PCDHGA1: variants seen among roughly 807,000 people sequenced by gnomAD.
PCDHGA1 encodes the protein protocadherin gamma subfamily A, 1, also known as protocadherin gamma-A1.
In PCDHGA1, 32 loss-of-function variants were observed where a neutral mutation model predicts 58.0. The ratio of observed to expected loss-of-function variants is 0.55; its 90% confidence interval spans 0.42 to 0.74. PCDHGA1 has a LOEUF of 0.74. PCDHGA1 is among the 30% of genes least tolerant of loss of function. The pLI is 0.00. For missense variants in PCDHGA1, 1,205 were observed against 1,182.3 expected (o/e 1.02, Z -0.28); for synonymous variants, 498 against 501.1 (o/e 0.99, Z 0.08).
Position 141,379,889 on chromosome 5 carries a change from C to CTTTTTTTTTTTTTTTTTTTTTTTTTTT in PCDHGA1, c.2421+46788_2421+46814dup, listed in dbSNP as rs70988800. Among the ~76,000 whole-genome samples the CTTTTTTTTTTTTTTTTTTTTTTTTTTT allele has an allele frequency of 2.4e-4, 12 of 50,832 alleles. 1 individual carries two copies. The highest frequency in any genetic ancestry group is 4.0e-4 in the African/African-American group (6 of 15,086). 33.3% of individuals were successfully genotyped at this position (50,832 alleles called of 152,430 possible). A position where few individuals can be genotyped will look rare whatever the true frequency, so the allele number is the denominator to read the frequency against. On this transcript the variant is annotated intron_variant, in intron 1 of 3. Coordinates refer to ENST00000517417, the MANE Select transcript of PCDHGA1 (RefSeq NM_018912.3). ...CTTATTTTATGGTCTGTGAAAGCCT[C>CTTTTTTTTTTTTTTTTTTTTTTTTTTT]TTTTTTTTTTTTTTTTTTTTTTTTT...
chr5:141,356,134 T>C (rs767798294), intron 1 of PCDHGA1: 9 of 1,613,788 alleles, frequency 5.6e-6, no homozygotes, highest in Non-Finnish European at 7.6e-6. Context: ...TTATGAGGAC[T>C]CTGGATTCTA....
At chr5:141,481,762 GC>G (rs1307001837) in intron 1 of PCDHGA1, among the ~76,000 whole-genome samples, 1 of 152,126 alleles carries the variant, frequency 6.6e-6, no homozygotes, top group Admixed American at 6.5e-5. Context: ...GACCAGCCTG[GC>G]CAACATGGTG....
chr5:141,395,538 TTGTTTGTGTG>T, intron 1 of PCDHGA1: 1 of 225,786 alleles, frequency 4.4e-6, no homozygotes, highest in Non-Finnish European at 7.1e-6. Context: ...AATTTTGCTA[TTGTTTGTGTG>T]TGTGTGTGTG....
chr5:141,410,544 G>T, intron 1 of PCDHGA1: 1 of 1,613,640 alleles, frequency 6.2e-7, no homozygotes, highest in Non-Finnish European at 8.5e-7. Flanking sequence ...GACATGGTTT[G>T]CAGTGTTTCT....
chr5:141,370,453 T>A lies in PCDHGA1; in HGVS notation c.2421+37348T>A, dbSNP rs6860590. ...GGGCAGAGGCGAATGCTATTTCTCT[T>A]CCTGCTCTCTTTGTTAGACCAGGCT... On this transcript the variant is annotated intron_variant, in intron 1 of 3. Transcript: ENST00000517417. 2,396 of 1,611,648 alleles carry A rather than the reference T, an allele frequency of 1.5e-3. 32 individuals are homozygous for A. In the African/African-American group the frequency reaches 0.028, roughly 19 times the overall value.
intron 1 of PCDHGA1, among the ~76,000 whole-genome samples, chr5:141,348,139 A>G (rs1262874286): frequency 6.6e-6 from 1 of 152,262 alleles, no homozygotes; most frequent in Non-Finnish European, 1.5e-5. Context: ...ATGAAATCAT[A>G]TGAGAGTTAT....
chr5:141,485,566 C>G lies in PCDHGA1; in HGVS notation c.2422-9241C>G, dbSNP rs768144422. On this transcript the variant is annotated intron_variant, in intron 1 of 3. Transcript: ENST00000517417. This position sits in a 1 kb window ranked among gnomAD's most constrained non-coding sequence, Gnocchi z 5.7. ...TCGTAGATGTGAATGATCACGCCCC[C>G]CGTTTTCCGCGGCAGCAGCTGGACT... 2.5e-6 allele frequency: 4 copies of G among 1,612,808 alleles called. No homozygotes were observed. Among genetic ancestry groups the G allele is most frequent in the South Asian group, 2.2e-5 (2 of 91,028 alleles).
rs866710706 is a variant in PCDHGA1, at chr5:141,485,167, G to A, written c.2422-9640G>A. On this transcript the variant is annotated intron_variant, in intron 1 of 3. Transcript: ENST00000517417. The surrounding 1 kb of genome is among the most constrained non-coding windows in gnomAD (Gnocchi z 5.7). ...AGGAGCAAGTAGAGAATTAGCGGGC[G>A]GCAGCAATGCTCCGCAAGGTGAGAA... The A allele has an allele frequency of 6.2e-7, 1 of 1,608,386 alleles. No homozygotes were observed.
At chr5:141,351,460 G>C in intron 1 of PCDHGA1, 1 of 1,613,528 alleles carries the variant, frequency 6.2e-7, no homozygotes, top group South Asian at 1.1e-5. Context: ...ATTACAAGCT[G>C]GTGATTGCTG....
chr5:141,344,229 A>T, intron 1 of PCDHGA1: 2 of 1,613,944 alleles, frequency 1.2e-6, no homozygotes, highest in East Asian at 4.5e-5. Flanking sequence ...CGGAGTCCGC[A>T]TCGTCTCCAG....
intron 1 of PCDHGA1, chr5:141,374,073 A>G (rs1201568464): frequency 2.6e-6 from 4 of 1,510,034 alleles, no homozygotes; most frequent in Non-Finnish European, 2.7e-6. Context: ...GAAGTTCCTA[A>G]TAAGCCAGTA....
At chr5:141,395,174 AAATGATT>A in intron 1 of PCDHGA1, 1 of 1,614,220 alleles carries the variant, frequency 6.2e-7, no homozygotes, top group Non-Finnish European at 8.5e-7. Flanking sequence ...GCTGTGAGAA[AAATGATT>A]CTTTGTTAAC....
chr5:141,414,620 A>G, intron 1 of PCDHGA1: 4 of 1,613,938 alleles, frequency 2.5e-6, no homozygotes, highest in Non-Finnish European at 3.4e-6. Flanking sequence ...ACAGCGCTGG[A>G]CCCGGACAGC....
intron 1 of PCDHGA1, among the ~76,000 whole-genome samples, chr5:141,429,386 T>TA (rs1561841076): frequency 9.9e-5 from 15 of 151,936 alleles, no homozygotes; most frequent in South Asian, 8.3e-4. Flanking sequence ...TGTTTTTTTT[T>TA]TAAAAAAAAT....
At chr5:141,449,630 T>A (rs1006977026) in intron 1 of PCDHGA1, among the ~76,000 whole-genome samples, 6 of 150,024 alleles carry the variant, frequency 4.0e-5, no homozygotes, top group Non-Finnish European at 8.9e-5. Flanking sequence ...TTTAAAAAGA[T>A]GTATCTATAT....
chr5:141,405,398 CT>C, intron 1 of PCDHGA1: 1 of 1,590,264 alleles, frequency 6.3e-7, no homozygotes, highest in Non-Finnish European at 8.6e-7. Context: ...TTTTTTCTTT[CT>C]TTCTTTTCTT....
chr5:141,363,373 G>GT (rs1231434540), intron 1 of PCDHGA1, among the ~76,000 whole-genome samples: 4 of 151,738 alleles, frequency 2.6e-5, no homozygotes, highest in Non-Finnish European at 5.9e-5. Flanking sequence ...CAATCAAGAG[G>GT]TTTTTCTATT....
chr5:141,355,486 T>C, intron 1 of PCDHGA1: 1 of 1,614,064 alleles, frequency 6.2e-7, no homozygotes, highest in Non-Finnish European at 8.5e-7. Context: ...GGAGGAGCTC[T>C]GCGACAGATC....
In PCDHGA1 at chr5:141,408,106, G is replaced by A. The variant is rs1474157141; in HGVS notation, c.2421+75001G>A. The A allele has an allele frequency of 8.3e-6, 12 of 1,444,288 alleles. No individual in the cohort carries two copies. In the East Asian group the frequency reaches 2.7e-4, roughly 33 times the overall value. 89.5% of individuals were successfully genotyped at this position (1,444,288 alleles called of 1,614,324 possible). On this transcript the variant is annotated intron_variant, in intron 1 of 3. Transcript: ENST00000517417. ...AGCGGATTGCCAGCTCCGAGACCCG[G>A]GACTCCTCCTGTCCTGGGCCGAATG...
Sources: gnomAD v4.1 joint callset for allele counts (sites outside exome capture counted in the v4.1 genomes callset) on GRCh38, gnomAD v4.1.1 for gene constraint, Gnocchi (gnomAD v3.1) non-coding constraint, MANE v1.5 for transcripts, NCBI Gene and HGNC (gene_info 2026-07-23, HGNC 2026-07-21) for gene names.